Variants in TAS2R1 observed in about 807,000 individuals in gnomAD.
TAS2R1 encodes taste 2 receptor member 1, also known as taste receptor type 2 member 1.
For missense variants in TAS2R1, 370 were observed against 353.4 expected (o/e 1.05, Z -0.38); for synonymous variants, 141 against 134.2 (o/e 1.05, Z -0.35).
the TAS2R1 span, among the ~76,000 whole-genome samples, chr5:9,793,357 T>C: frequency 2.0e-5 from 3 of 152,210 alleles, no homozygotes; most frequent in Admixed American, 1.3e-4. Context: ...CAATACTACC[T>C]ATGCTGTTAT....
chr5:9,834,139 C>A, the TAS2R1 span, among the ~76,000 whole-genome samples: 9 of 152,080 alleles, frequency 5.9e-5, no homozygotes, highest in African/African-American at 2.2e-4. Context: ...AGGGAAAGGG[C>A]AGGAAGCAGA....
chr5:9,754,247 G>T, the TAS2R1 span, among the ~76,000 whole-genome samples: 2 of 152,206 alleles, frequency 1.3e-5, no homozygotes, highest in African/African-American at 4.8e-5. Flanking sequence ...AGGTATTGAT[G>T]GGACGTATCT....
At chr5:9,896,777 A>G in the TAS2R1 span, among the ~76,000 whole-genome samples, 3 of 152,084 alleles carry the variant, frequency 2.0e-5, no homozygotes, top group South Asian at 2.1e-4. Flanking sequence ...CATTTGCCAC[A>G]CTAGTTAATT....
Position 9,630,305 on chromosome 5 carries a change from A to G in TAS2R1, c.-273T>C. 4.0e-6 allele frequency: 1 copy of G among 250,418 alleles called. No individual in the cohort carries two copies. Among genetic ancestry groups the G allele is most frequent in the Non-Finnish European group, 8.3e-6 (1 of 120,964 alleles). 15.5% of individuals were successfully genotyped at this position (250,418 alleles called of 1,614,324 possible). A position where few individuals can be genotyped will look rare whatever the true frequency, so the allele number is the denominator to read the frequency against. ...ACAGGTTTACCTAGCTTTCAAAGTC[A>G]TCACAGGCAAATAATGGAATCAGAC... On this transcript the variant is annotated 5_prime_UTR_variant, in exon 1 of 1. The change abolishes an upstream ATG in the 5' untranslated region. Transcript: ENST00000382492.
chr5:9,838,082 C>A, the TAS2R1 span, among the ~76,000 whole-genome samples: 1 of 152,104 alleles, frequency 6.6e-6, no homozygotes, highest in African/African-American at 2.4e-5. Flanking sequence ...GCAGAGACAA[C>A]CCCCCCAGGG....
chr5:9,882,930 G>A, the TAS2R1 span, among the ~76,000 whole-genome samples: 1,053 of 152,330 alleles, frequency 6.9e-3, 14 homozygotes, highest in African/African-American at 0.024. Context: ...GCATGCATAT[G>A]TTCATTGCAG....
intron 2 of TAS2R1, among the ~76,000 whole-genome samples, chr5:9,645,004 C>T (rs1410011452): frequency 6.6e-6 from 1 of 152,112 alleles, no homozygotes; most frequent in Non-Finnish European, 1.5e-5. Context: ...ATTTGATTAT[C>T]TATGTTATGC....
At chr5:9,817,172 G>A in the TAS2R1 span, among the ~76,000 whole-genome samples, 59 of 152,240 alleles carry the variant, frequency 3.9e-4, no homozygotes, top group Admixed American at 1.6e-3. Flanking sequence ...GAACATGTCC[G>A]ATTTAAGCTC....
intron 1 of TAS2R1, among the ~76,000 whole-genome samples, chr5:9,665,737 C>T (rs751819642): frequency 1.1e-4 from 17 of 152,104 alleles, no homozygotes; most frequent in Admixed American, 2.0e-4. Flanking sequence ...GCTTAATACT[C>T]GAAAAGGGCT....
chr5:9,811,657 C>A, the TAS2R1 span, among the ~76,000 whole-genome samples: 5 of 152,136 alleles, frequency 3.3e-5, no homozygotes, highest in Admixed American at 1.3e-4. Context: ...CCTAGAAAAT[C>A]ATATCTATTA....
chr5:9,877,469 T>A, the TAS2R1 span, among the ~76,000 whole-genome samples: 3 of 152,226 alleles, frequency 2.0e-5, no homozygotes, highest in African/African-American at 7.2e-5. Context: ...TTTCTCCCCT[T>A]CAATTCTTTA....
the TAS2R1 span, among the ~76,000 whole-genome samples, chr5:9,891,404 A>G: frequency 3.9e-5 from 6 of 152,346 alleles, no homozygotes; most frequent in East Asian, 9.6e-4. Context: ...TCTTTAGTGA[A>G]TTATTAAATA....
chr5:9,887,139 C>A, the TAS2R1 span, among the ~76,000 whole-genome samples: 2 of 152,194 alleles, frequency 1.3e-5, no homozygotes, highest in Non-Finnish European at 2.9e-5. Flanking sequence ...GAATCTGAGT[C>A]TCTGTTGCCC....
the TAS2R1 span, among the ~76,000 whole-genome samples, chr5:9,726,503 C>A: frequency 3.5e-3 from 540 of 152,266 alleles, 1 homozygote; most frequent in African/African-American, 0.012. Context: ...TGCAATAAAT[C>A]TTGCTGCTGC....
At chr5:9,766,872 G>A in the TAS2R1 span, among the ~76,000 whole-genome samples, 1 of 152,170 alleles carries the variant, frequency 6.6e-6, no homozygotes, top group Non-Finnish European at 1.5e-5. Flanking sequence ...GGAGCTCACA[G>A]AATCCTCTCT....
At chr5:9,639,695 A>G (rs984510332) in intron 2 of TAS2R1, among the ~76,000 whole-genome samples, 2 of 152,250 alleles carry the variant, frequency 1.3e-5, no homozygotes, top group African/African-American at 4.8e-5. Flanking sequence ...CAGCTTCTAC[A>G]TAAGCACTTG....
At chr5:9,719,071 A>T in the TAS2R1 span, among the ~76,000 whole-genome samples, 1 of 152,242 alleles carries the variant, frequency 6.6e-6, no homozygotes, top group Non-Finnish European at 1.5e-5. Flanking sequence ...GGATTAGTTA[A>T]AGGTATTGCA....
At chr5:9,833,357 G>A in the TAS2R1 span, among the ~76,000 whole-genome samples, 2 of 152,190 alleles carry the variant, frequency 1.3e-5, no homozygotes, top group African/African-American at 4.8e-5. Flanking sequence ...CCTTGGCTTA[G>A]TGATTTTGGG....
chr5:9,767,923 CAAA>C, the TAS2R1 span, among the ~76,000 whole-genome samples: 1 of 96,330 alleles, frequency 1.0e-5, no homozygotes, highest in African/African-American at 4.1e-5. Flanking sequence ...GACTCCGTCT[CAAA>C]AAAAAAAAAA....
Sources: allele counts gnomAD v4.1 joint callset (sites outside exome capture counted in the v4.1 genomes callset), GRCh38; gene constraint gnomAD v4.1.1; transcripts MANE v1.5; gene names NCBI Gene and HGNC (gene_info 2026-07-23, HGNC 2026-07-21).